Variants in SIL1 observed in about 807,000 individuals in gnomAD.
SIL1 encodes the protein nucleotide exchange factor SIL1.
A neutral mutation model predicts 49.1 loss-of-function variants in SIL1; 40 were observed. The ratio of observed to expected loss-of-function variants is 0.81; its 90% CI spans 0.63 to 1.06. The LOEUF (loss-of-function observed/expected upper bound fraction) is 1.06, where lower values mean the gene tolerates loss of function less well. Ranked by LOEUF, SIL1 falls within the 50% of genes least tolerant of loss-of-function variation. SIL1 has a pLI of 0.00. For missense variants in SIL1, 500 were observed against 572.6 expected (o/e 0.87, Z 1.29); for synonymous variants, 253 against 250.8 (o/e 1.01, Z -0.08).
intron 5 of SIL1, among the ~76,000 whole-genome samples, chr5:139,028,180 T>G (rs908182962): frequency 2.0e-5 from 3 of 150,774 alleles, no homozygotes; most frequent in Non-Finnish European, 4.4e-5. Flanking sequence ...GATGTGTGCC[T>G]GGCTCTCAAG....
intron 1 of SIL1, among the ~76,000 whole-genome samples, chr5:139,175,638 C>T (rs1688348318): frequency 6.6e-6 from 1 of 152,224 alleles, no homozygotes; most frequent in African/African-American, 2.4e-5. Context: ...CAGCGTTACT[C>T]TGATACCAAA....
chr5:139,055,345 G>T (rs4428401), intron 3 of SIL1, among the ~76,000 whole-genome samples: 163 of 152,188 alleles, frequency 1.1e-3, no homozygotes, highest in Non-Finnish European at 1.7e-3. Context: ...TGGGTTGGGG[G>T]ATAATCTATG....
chr5:138,989,504 C>A (rs1767711644), intron 7 of SIL1, among the ~76,000 whole-genome samples: 1 of 151,822 alleles, frequency 6.6e-6, no homozygotes, highest in African/African-American at 2.4e-5. Context: ...GTGGTCACTA[C>A]ACATATCTGA....
chr5:139,087,210 C>T (rs980302217), intron 3 of SIL1, among the ~76,000 whole-genome samples: 1 of 152,096 alleles, frequency 6.6e-6, no homozygotes, highest in African/African-American at 2.4e-5. Context: ...AGCCCAGACC[C>T]CAGGATCCTA....
At chr5:139,062,524 C>T (rs1255341508) in intron 3 of SIL1, among the ~76,000 whole-genome samples, 1 of 152,098 alleles carries the variant, frequency 6.6e-6, no homozygotes, top group Non-Finnish European at 1.5e-5. Flanking sequence ...CAGCTCCCAC[C>T]ATACCCTTGC....
chr5:138,999,385 G>A (rs913264556), intron 7 of SIL1, among the ~76,000 whole-genome samples: 1 of 152,162 alleles, frequency 6.6e-6, no homozygotes, highest in Admixed American at 6.5e-5. Flanking sequence ...TGGAAACGAT[G>A]GCCAAGCCTG....
chr5:138,986,783 T>C (rs957065885), intron 7 of SIL1, among the ~76,000 whole-genome samples: 1 of 152,152 alleles, frequency 6.6e-6, no homozygotes, highest in African/African-American at 2.4e-5. Context: ...AAAAAGAAAA[T>C]ACATTTCTTG....
chr5:139,115,095 T>TG (rs1398606737), intron 3 of SIL1, among the ~76,000 whole-genome samples: 1 of 151,224 alleles, frequency 6.6e-6, no homozygotes, highest in Admixed American at 6.6e-5. Context: ...TTGGGGACCA[T>TG]GGGGAATGAG....
intron 1 of SIL1, among the ~76,000 whole-genome samples, chr5:139,137,822 G>A (rs1751005372): frequency 6.6e-6 from 1 of 151,762 alleles, no homozygotes; most frequent in Admixed American, 6.6e-5. Context: ...TTTTAAATGA[G>A]CCTACTGGGG....
chr5:139,135,667 G>A (rs1327350412), intron 1 of SIL1, among the ~76,000 whole-genome samples: 2 of 141,812 alleles, frequency 1.4e-5, no homozygotes, highest in African/African-American at 5.3e-5. Context: ...CACTCCAGTA[G>A]AGAAGAATAC....
intron 7 of SIL1, among the ~76,000 whole-genome samples, chr5:138,973,069 G>C (rs1450637142): frequency 1.3e-5 from 2 of 152,196 alleles, no homozygotes; most frequent in East Asian, 3.9e-4. Context: ...CTGGCTGAAG[G>C]GATCTGGGCA....
At chr5:139,152,129 C>T (rs1166985780) in intron 1 of SIL1, among the ~76,000 whole-genome samples, 1 of 152,176 alleles carries the variant, frequency 6.6e-6, no homozygotes, top group African/African-American at 2.4e-5. Flanking sequence ...GGCAATGGTG[C>T]CTTGGGCCGT....
At chr5:139,069,304 A>G (rs970561841) in intron 3 of SIL1, among the ~76,000 whole-genome samples, 4 of 152,130 alleles carry the variant, frequency 2.6e-5, no homozygotes, top group African/African-American at 9.7e-5. Context: ...AAAATTAAAT[A>G]AAAAGAAATG....
chr5:139,084,747 C>A (rs920781932), intron 3 of SIL1, among the ~76,000 whole-genome samples: 1 of 147,676 alleles, frequency 6.8e-6, no homozygotes, highest in Non-Finnish European at 1.5e-5. Flanking sequence ...AACTAACCTG[C>A]ACAATGTGCA....
At chr5:139,039,971 G>A (rs1166071214) in intron 5 of SIL1, among the ~76,000 whole-genome samples, 5 of 152,102 alleles carry the variant, frequency 3.3e-5, no homozygotes, top group Admixed American at 2.6e-4. Context: ...CCAAGCTACC[G>A]ATGGATACAA....
At chr5:138,974,885 G>A (rs1767364279) in intron 7 of SIL1, among the ~76,000 whole-genome samples, 1 of 152,154 alleles carries the variant, frequency 6.6e-6, no homozygotes, top group Non-Finnish European at 1.5e-5. Flanking sequence ...ATCCTCACAT[G>A]AGTCTGTGAA....
At chr5:139,149,215 G>A (rs1156643402) in intron 1 of SIL1, among the ~76,000 whole-genome samples, 2 of 152,128 alleles carry the variant, frequency 1.3e-5, no homozygotes, top group African/African-American at 4.8e-5. Flanking sequence ...TCAACCCCAG[G>A]TGAGCAGTTA....
chr5:139,162,520 T>G (rs1027362382), intron 1 of SIL1, among the ~76,000 whole-genome samples: 1 of 152,106 alleles, frequency 6.6e-6, no homozygotes, highest in African/African-American at 2.4e-5. Context: ...AAGGGGAAAA[T>G]GGCCTCTCCA....
intron 3 of SIL1, among the ~76,000 whole-genome samples, chr5:139,104,427 C>T (rs531290407): frequency 6.6e-6 from 1 of 152,350 alleles, no homozygotes; most frequent in Admixed American, 6.5e-5. Flanking sequence ...GCTCCCTACT[C>T]TGTTATTCAG....
Sources: allele counts gnomAD v4.1 joint callset (sites outside exome capture counted in the v4.1 genomes callset), GRCh38; gene constraint gnomAD v4.1.1; transcripts MANE v1.5; gene names NCBI Gene and HGNC (gene_info 2026-07-23, HGNC 2026-07-21).